The following VCF1 variants were observed in gnomAD, a reference collection of about 807,000 sequenced individuals.
VCF1 encodes the protein protein VCF1.
At chr17:73,216,770 C>T in the VCF1 span, among the ~76,000 whole-genome samples, 1 of 152,136 alleles carries the variant, frequency 6.6e-6, no homozygotes, top group Non-Finnish European at 1.5e-5. Context: ...GTCCAAAGGG[C>T]TCAAATGATA....
At chr17:73,208,026 T>C in the VCF1 span, 1 of 1,331,784 alleles carries the variant, frequency 7.5e-7, no homozygotes, top group Non-Finnish European at 9.7e-7. Context: ...TGCAGTGATC[T>C]TTCAGTTCTG....
the VCF1 span, among the ~76,000 whole-genome samples, chr17:73,211,294 T>C: frequency 1.1e-4 from 16 of 151,224 alleles, no homozygotes; most frequent in East Asian, 3.0e-3. Flanking sequence ...CTGGCCAACA[T>C]GGCAAAACCC....
chr17:73,222,269 T>C, the VCF1 span, among the ~76,000 whole-genome samples: 14 of 151,794 alleles, frequency 9.2e-5, no homozygotes, highest in African/African-American at 3.1e-4. Context: ...TCATAAGTCA[T>C]TAAGTCCAAG....
the VCF1 span, among the ~76,000 whole-genome samples, chr17:73,230,169 C>A: frequency 6.6e-6 from 1 of 152,002 alleles, no homozygotes; most frequent in South Asian, 2.1e-4. Flanking sequence ...TGGTAGCTCA[C>A]ACCTGTGCTC....
chr17:73,209,886 A>C, the VCF1 span: 3 of 1,435,630 alleles, frequency 2.1e-6, no homozygotes, highest in Non-Finnish European at 2.8e-6. Context: ...TTGAGGATGA[A>C]GACATATACT....
chr17:73,212,581 G>A, the VCF1 span: 50 of 902,886 alleles, frequency 5.5e-5, no homozygotes, highest in African/African-American at 7.0e-5. Flanking sequence ...CTACAAAGGC[G>A]TCTCCTAACC....
the VCF1 span, chr17:73,207,606 A>G: frequency 2.0e-6 from 2 of 980,006 alleles, no homozygotes; most frequent in Non-Finnish European, 2.9e-6. Context: ...TCTGGTGATG[A>G]TGGTTTTATC....
chr17:73,208,782 T>C, the VCF1 span: 293 of 386,470 alleles, frequency 7.6e-4, 1 homozygote, highest in African/African-American at 5.9e-3. Context: ...AGTCATTACA[T>C]ATTACTTTAC....
chr17:73,229,987 T>A, the VCF1 span, among the ~76,000 whole-genome samples: 5 of 149,378 alleles, frequency 3.3e-5, no homozygotes, highest in Admixed American at 2.7e-4. Context: ...ATATAAGAGA[T>A]AAAGGATCTG....
chr17:73,211,282 G>A, the VCF1 span, among the ~76,000 whole-genome samples: 6 of 151,468 alleles, frequency 4.0e-5, no homozygotes, highest in South Asian at 1.3e-3. Flanking sequence ...CAAAACCCCA[G>A]CCTGGCCAAC....
the VCF1 span, among the ~76,000 whole-genome samples, chr17:73,224,865 C>CACAGGACAGGACAGCACAGG: frequency 1.1e-4 from 14 of 128,668 alleles, no homozygotes; most frequent in Admixed American, 1.6e-4. Context: ...GACAGGACAG[C>CACAGGACAGGACAGCACAGG]ACAGGACAGG....
the VCF1 span, chr17:73,212,778 A>G: frequency 3.4e-6 from 5 of 1,482,134 alleles, no homozygotes; most frequent in African/African-American, 7.0e-5. Context: ...AGTTTCTAGT[A>G]AGTCAAGTTT....
At chr17:73,209,445 T>C in the VCF1 span, 1 of 1,490,224 alleles carries the variant, frequency 6.7e-7, no homozygotes, top group Non-Finnish European at 9.0e-7. Context: ...CGTGTGCAAT[T>C]TTTCTTTTAA....
At chr17:73,213,979 A>G in the VCF1 span, among the ~76,000 whole-genome samples, 1 of 152,180 alleles carries the variant, frequency 6.6e-6, no homozygotes, top group African/African-American at 2.4e-5. Flanking sequence ...CAAAAGAAAA[A>G]AAAAGAATGC....
chr17:73,223,012 G>A, the VCF1 span, among the ~76,000 whole-genome samples: 1 of 151,892 alleles, frequency 6.6e-6, no homozygotes, highest in Non-Finnish European at 1.5e-5. Context: ...CTGAGAAGTG[G>A]AGATAATAAT....
the VCF1 span, among the ~76,000 whole-genome samples, chr17:73,210,927 T>C: frequency 6.6e-6 from 1 of 152,158 alleles, no homozygotes; most frequent in African/African-American, 2.4e-5. Context: ...AATTTTACTA[T>C]TGCATTTCTA....
At chr17:73,230,648 T>C in the VCF1 span, among the ~76,000 whole-genome samples, 1 of 152,074 alleles carries the variant, frequency 6.6e-6, no homozygotes, top group Non-Finnish European at 1.5e-5. Context: ...CCGCCCGCCT[T>C]GACTTCCCAA....
chr17:73,229,026 G>A, the VCF1 span, among the ~76,000 whole-genome samples: 2 of 152,198 alleles, frequency 1.3e-5, no homozygotes, highest in African/African-American at 4.8e-5. Context: ...CCAGGGACAA[G>A]ACTATGAATG....
At chr17:73,208,755 A>AAGTT in the VCF1 span, 1 of 428,184 alleles carries the variant, frequency 2.3e-6, no homozygotes. Context: ...CTGACTGACC[A>AAGTT]AGTTTGTAGG....
Sources: gnomAD v4.1 joint callset for allele counts (sites outside exome capture counted in the v4.1 genomes callset) on GRCh38, gnomAD v4.1.1 for gene constraint, MANE v1.5 for transcripts, NCBI Gene and HGNC (gene_info 2026-07-23, HGNC 2026-07-21) for gene names.